The following ATP9B variants were observed in gnomAD, a reference collection of about 807,000 sequenced individuals.
The protein encoded by ATP9B is ATPase phospholipid transporting 9B, also known as probable phospholipid-transporting ATPase IIB.
In ATP9B, 110 loss-of-function variants were observed where a neutral mutation model predicts 146.1. The observed-to-expected ratio is 0.75, with a 90% CI of 0.65 to 0.88. ATP9B has a LOEUF of 0.88. Among genes scored for constraint, ATP9B ranks in the 40% least tolerant of loss-of-function variants. ATP9B has a pLI of 0.00. For missense variants in ATP9B, 1,499 were observed against 1,496.4 expected, an observed-to-expected ratio of 1.00 and a Z score of -0.03; for synonymous variants, 604 against 569.7, an observed-to-expected ratio of 1.06 and a Z score of -0.86.
chr18:79,240,759 A>C (rs2095880272), intron 11 of ATP9B, among the ~76,000 whole-genome samples: 2 of 152,232 alleles, frequency 1.3e-5, no homozygotes, highest in Admixed American at 1.3e-4. Flanking sequence ...AAAACAACAG[A>C]AAAAGAAGGT....
chr18:79,149,702 A>G (rs927432764), intron 6 of ATP9B, among the ~76,000 whole-genome samples: 1 of 150,076 alleles, frequency 6.7e-6, no homozygotes, highest in Non-Finnish European at 1.5e-5. Context: ...AACTCCTAAA[A>G]CTTAACAGTA....
At chr18:79,199,116 T>G (rs1288573216) in intron 9 of ATP9B, among the ~76,000 whole-genome samples, 1 of 152,062 alleles carries the variant, frequency 6.6e-6, no homozygotes, top group Admixed American at 6.5e-5. Flanking sequence ...CACGCCGGGC[T>G]AATTTTTTGT....
intron 7 of ATP9B, among the ~76,000 whole-genome samples, chr18:79,155,499 G>C (rs2094760914): frequency 6.6e-6 from 1 of 152,166 alleles, no homozygotes; most frequent in Admixed American, 6.5e-5. Flanking sequence ...TGAAACGAGA[G>C]AGGTATATCA....
At chr18:79,188,339 C>CA in intron 8 of ATP9B, among the ~76,000 whole-genome samples, 1 of 152,332 alleles carries the variant, frequency 6.6e-6, no homozygotes, top group Non-Finnish European at 1.5e-5. Flanking sequence ...CTACGTCCCT[C>CA]AGAATACAGG....
intron 15 of ATP9B, among the ~76,000 whole-genome samples, chr18:79,321,509 A>G (rs2096716017): frequency 6.6e-6 from 1 of 152,088 alleles, no homozygotes; most frequent in African/African-American, 2.4e-5. Flanking sequence ...CAGCCCCCCA[A>G]ATAGCTGGGA....
chr18:79,135,358 T>C (rs551694597), intron 5 of ATP9B, among the ~76,000 whole-genome samples: 1 of 152,352 alleles, frequency 6.6e-6, no homozygotes, highest in East Asian at 1.9e-4. Flanking sequence ...CCAGAATTCA[T>C]GTTCTGTTTT....
intron 8 of ATP9B, among the ~76,000 whole-genome samples, chr18:79,178,900 C>T (rs772069933): frequency 1.3e-5 from 2 of 152,092 alleles, no homozygotes; most frequent in Non-Finnish European, 2.9e-5. Context: ...CTTTTTGCCT[C>T]CTGTAATTTT....
At chr18:79,270,688 C>T (rs1348173619) in intron 12 of ATP9B, among the ~76,000 whole-genome samples, 6 of 152,090 alleles carry the variant, frequency 3.9e-5, no homozygotes, top group East Asian at 1.9e-4. Flanking sequence ...CCCATGTTTG[C>T]TTAACAACAT....
chr18:79,303,539 G>C, intron 13 of ATP9B, 65 bp from the exon 14 acceptor site: 1 of 1,329,186 alleles, frequency 7.5e-7, no homozygotes, highest in Non-Finnish European at 1.1e-6. Context: ...CTGCATGGTA[G>C]GAAAGCTGGG....
chr18:79,319,570 C>G (rs983538020), intron 15 of ATP9B, among the ~76,000 whole-genome samples: 10 of 152,218 alleles, frequency 6.6e-5, no homozygotes, highest in African/African-American at 1.9e-4. Flanking sequence ...TCATTGTTTC[C>G]TTCCCTACGT....
intron 25 of ATP9B, 52 bp downstream of exon 25, chr18:79,348,248 G>GGAA: frequency 1.2e-6 from 1 of 822,218 alleles, no homozygotes; most frequent in Non-Finnish European, 1.9e-6. Context: ...CTTCTATTTT[G>GGAA]AAAAAAAAAA....
At chr18:79,130,734 G>C (rs186542938) in intron 5 of ATP9B, among the ~76,000 whole-genome samples, 20 of 152,194 alleles carry the variant, frequency 1.3e-4, no homozygotes, top group Non-Finnish European at 2.9e-4. Context: ...TCACACACAA[G>C]GAACCCTCCG....
chr18:79,371,124 A>G (rs2097066826), intron 26 of ATP9B, among the ~76,000 whole-genome samples: 1 of 152,172 alleles, frequency 6.6e-6, no homozygotes, highest in Non-Finnish European at 1.5e-5. Flanking sequence ...CTGTAATCCC[A>G]GCACTTTGGG....
intron 7 of ATP9B, among the ~76,000 whole-genome samples, chr18:79,170,769 A>G (rs1053647293): frequency 6.6e-6 from 1 of 152,196 alleles, no homozygotes; most frequent in Non-Finnish European, 1.5e-5. Context: ...TCGTCTGCTG[A>G]GCTACTTGAT....
rs140642705 is a variant in ATP9B at position 79,248,847 on chromosome 18, G to A, written c.1108-4534G>A. Among the ~76,000 whole-genome samples, 10 of 152,300 alleles carry A rather than the reference G, an allele frequency of 6.6e-5. No individual in the cohort carries two copies. In the East Asian group the frequency reaches 1.7e-3, roughly 26 times the overall value. On this transcript the variant is annotated intron_variant, in intron 11 of 29. Transcript: ENST00000426216. ...AGATGGGTGAGAGTGTTTGGATGCC[G>A]ACATCCTGTTCACCCAGGGTGACAT...
intron 11 of ATP9B, among the ~76,000 whole-genome samples, chr18:79,250,183 T>C (rs921127196): frequency 1.2e-4 from 18 of 152,246 alleles, no homozygotes; most frequent in African/African-American, 4.3e-4. Flanking sequence ...TACGTGGCAT[T>C]TTTTGAAAGG....
chr18:79,300,340 C>T (rs963624656), intron 13 of ATP9B, among the ~76,000 whole-genome samples: 1 of 152,060 alleles, frequency 6.6e-6, no homozygotes, highest in Non-Finnish European at 1.5e-5. Flanking sequence ...TGGGTGCCCT[C>T]GTGTCATCCT....
chr18:79,247,323 A>G (rs529375854), intron 11 of ATP9B, among the ~76,000 whole-genome samples: 9 of 152,348 alleles, frequency 5.9e-5, no homozygotes, highest in African/African-American at 1.9e-4. Context: ...ATGTGTATAC[A>G]TGTGTTCAGA....
At chr18:79,174,912 T>A (rs1049423434) in intron 7 of ATP9B, among the ~76,000 whole-genome samples, 2 of 152,206 alleles carry the variant, frequency 1.3e-5, no homozygotes, top group Admixed American at 6.5e-5. Context: ...TGTAAAGTTC[T>A]TCATCAGGCC....
Sources: allele counts gnomAD v4.1 joint callset (sites outside exome capture counted in the v4.1 genomes callset), GRCh38; gene constraint gnomAD v4.1.1; transcripts MANE v1.5; gene names NCBI Gene and HGNC (gene_info 2026-07-23, HGNC 2026-07-21).